NKAIN1: variants seen among roughly 807,000 people sequenced by gnomAD.
The protein encoded by NKAIN1 is sodium/potassium-transporting ATPase subunit beta-1-interacting protein 1.
NKAIN1 carries 13 observed loss-of-function variants against 31.6 expected under a neutral mutation model. The observed-to-expected ratio is 0.41, with a 90% CI of 0.27 to 0.65. NKAIN1 has a LOEUF of 0.65. NKAIN1 is among the 30% of genes least tolerant of loss of function. The pLI, the probability that NKAIN1 is intolerant of heterozygous loss-of-function variation, is 0.30. For synonymous variants in NKAIN1, 104 were observed against 109.0 expected (o/e 0.95, Z 0.28); for missense variants, 193 against 262.2 (o/e 0.74, Z 1.82).
At chr1:31,189,347 C>T (rs193119728) in intron 1 of NKAIN1, among the ~76,000 whole-genome samples, 3 of 152,220 alleles carry the variant, frequency 2.0e-5, no homozygotes, top group Admixed American at 6.5e-5. Flanking sequence ...AACAGAGTCC[C>T]GCTCTGTCGC....
intron 1 of NKAIN1, among the ~76,000 whole-genome samples, chr1:31,206,156 A>G (rs56217167): frequency 6.6e-6 from 1 of 150,400 alleles, no homozygotes; most frequent in Non-Finnish European, 1.5e-5. Context: ...AATCGCTTGA[A>G]CCCGGGATGA....
intron 4 of NKAIN1, among the ~76,000 whole-genome samples, chr1:31,183,468 T>TTTTTTTG (rs1645218995): frequency 7.7e-6 from 1 of 129,110 alleles, no homozygotes; most frequent in African/African-American, 2.9e-5. Context: ...TTTTTTTTTT[T>TTTTTTTG]ATGGAGTTTC....
chr1:31,189,155 G>A (rs1306343880), intron 1 of NKAIN1, among the ~76,000 whole-genome samples: 2 of 151,932 alleles, frequency 1.3e-5, no homozygotes, highest in African/African-American at 2.4e-5. Flanking sequence ...AAGGCACCCC[G>A]GCTAATAGCC....
chr1:31,181,989 G>T (rs1431000486), intron 5 of NKAIN1, 48 bp from the exon 6 acceptor site: 1 of 1,548,872 alleles, frequency 6.5e-7, no homozygotes, highest in South Asian at 1.2e-5. Context: ...CGGGGGCGAG[G>T]AGAGGGAGAC....
chr1:31,209,302 G>C (rs1570465977), intron 1 of NKAIN1, among the ~76,000 whole-genome samples: 1 of 152,148 alleles, frequency 6.6e-6, no homozygotes, highest in East Asian at 1.9e-4. Flanking sequence ...TTGAACCCGG[G>C]AGACGGAGGT....
intron 1 of NKAIN1, among the ~76,000 whole-genome samples, chr1:31,193,481 G>A (rs1645302049): frequency 6.6e-6 from 1 of 152,030 alleles, no homozygotes; most frequent in Non-Finnish European, 1.5e-5. Context: ...TGGATCACGA[G>A]GTCAGGAGTT....
Position 31,239,852 on chromosome 1 carries a change from G to C in NKAIN1, c.-305C>G, listed in dbSNP as rs969664773. Among the ~76,000 whole-genome samples, 1 of 152,008 alleles carries C rather than the reference G, an allele frequency of 6.6e-6. No individual in the cohort carries two copies. The highest frequency in any genetic ancestry group is 2.1e-4 in the South Asian group (1 of 4,830). On this transcript the variant is annotated 5_prime_UTR_variant, in exon 1 of 7. Transcript: ENST00000373736. This position sits in a 1 kb window ranked among gnomAD's most constrained non-coding sequence, Gnocchi z 4.8. The stretch of plus-strand genomic sequence containing the variant: ...TGGCGGGGAGCGCGGAGCAAGGAGA[G>C]CGAGCCCCGAGCGCGGCGCAGCGCA...
intron 1 of NKAIN1, among the ~76,000 whole-genome samples, chr1:31,217,729 G>C (rs1469807691): frequency 6.6e-6 from 1 of 152,220 alleles, no homozygotes; most frequent in Admixed American, 6.5e-5. Flanking sequence ...AACAGCACAT[G>C]AAGGGCCTCA....
chr1:31,184,719 T>TTATATCTATTTTTAGATATAAAAA (rs1645228910), intron 3 of NKAIN1, among the ~76,000 whole-genome samples: 1 of 152,180 alleles, frequency 6.6e-6, no homozygotes, highest in Admixed American at 6.6e-5. Context: ...TTTGCCTCTT[T>TTATATCTATTTTTAGATATAAAAA]TATATCTAAA....
chr1:31,223,508 G>A (rs1420194442), intron 1 of NKAIN1, among the ~76,000 whole-genome samples: 5 of 151,966 alleles, frequency 3.3e-5, no homozygotes, highest in African/African-American at 9.7e-5. Flanking sequence ...GCAGTGGCGC[G>A]ATCTCCGCTT....
intron 1 of NKAIN1, among the ~76,000 whole-genome samples, chr1:31,208,924 G>C (rs910712023): frequency 6.6e-6 from 1 of 152,118 alleles, no homozygotes; most frequent in Non-Finnish European, 1.5e-5. Context: ...TGTAAACTGG[G>C]CAATATAACT....
At chr1:31,202,045 C>T (rs1465665884) in intron 1 of NKAIN1, among the ~76,000 whole-genome samples, 1 of 152,230 alleles carries the variant, frequency 6.6e-6, no homozygotes, top group Non-Finnish European at 1.5e-5. Flanking sequence ...CATCATTAGC[C>T]CTCAGAGACC....
rs1361399249 is a variant in NKAIN1, at chr1:31,233,736, T to C, written c.54+5758A>G. On this transcript the variant is annotated intron_variant, in intron 1 of 6. Coordinates refer to ENST00000373736, the MANE Select transcript of NKAIN1 (RefSeq NM_024522.3). This position sits in a 1 kb window ranked among gnomAD's most constrained non-coding sequence, Gnocchi z 4.0. ...CTTGTCCAAGTCTCAAGGCAAATCA[T>C]AGCTAGCCCTGGAGAGCACTTTCCT... is the stretch of plus-strand genomic sequence containing the variant. 1.3e-5 allele frequency among the ~76,000 whole-genome samples: 2 copies of C among 152,184 alleles called. No homozygotes were observed. Among genetic ancestry groups the C allele is most frequent in the Non-Finnish European group, 2.9e-5 (2 of 68,024 alleles).
chr1:31,186,608 G>A (rs1334723329), intron 2 of NKAIN1, among the ~76,000 whole-genome samples: 2 of 151,956 alleles, frequency 1.3e-5, no homozygotes, highest in African/African-American at 4.8e-5. Context: ...GATGGGGCCT[G>A]GAGAAAGGCT....
chr1:31,181,833 C>T, intron 6 of NKAIN1, 27 bp downstream of exon 6: 2 of 1,593,000 alleles, frequency 1.3e-6, no homozygotes, highest in Non-Finnish European at 1.7e-6. Flanking sequence ...CCAGGCCTCC[C>T]CAAGCCAGCA....
At chr1:31,209,394 C>CA (rs986737983) in intron 1 of NKAIN1, among the ~76,000 whole-genome samples, 4 of 151,768 alleles carry the variant, frequency 2.6e-5, no homozygotes, top group Non-Finnish European at 5.9e-5. Context: ...CAAAACAAAA[C>CA]AAAAAAACAA....
At position 31,188,065 on chromosome 1, in the gene NKAIN1, G is replaced by C. The variant is rs1351644352; in HGVS notation, c.177C>G (p.Ser59=). 3 of 1,553,644 alleles carry C rather than the reference G, an allele frequency of 1.9e-6. No homozygotes were observed. In the African/African-American group the frequency reaches 4.1e-5, roughly 21 times the overall value. Residue 59 remains serine (S), a synonymous_variant, in exon 2 of 7, where the codon TCC becomes TCG. Coordinates refer to ENST00000373736, the MANE Select transcript of NKAIN1 (RefSeq NM_024522.3). ...LGIFGTVQYR[S]RYLILYAAWL... is the part of the protein sequence containing the mutation. ...TGAGCCGTACCAGGATGAGGTACCG[G>C]GAGCGGTACTGCACGGTGCCAAAGA... is the stretch of plus-strand genomic sequence containing the variant.
At chr1:31,223,283 G>A (rs1324232880) in intron 1 of NKAIN1, among the ~76,000 whole-genome samples, 1 of 150,978 alleles carries the variant, frequency 6.6e-6, no homozygotes, top group Non-Finnish European at 1.5e-5. Context: ...GGCTGAGGCA[G>A]GAGAATTGCT....
chr1:31,238,688 C>G (rs969954287), intron 1 of NKAIN1, among the ~76,000 whole-genome samples: 2 of 152,194 alleles, frequency 1.3e-5, no homozygotes, highest in African/African-American at 4.8e-5. Flanking sequence ...TGTCCCCATC[C>G]CCACTGTTGC....
Sources: allele counts gnomAD v4.1 joint callset (sites outside exome capture counted in the v4.1 genomes callset), GRCh38; gene constraint gnomAD v4.1.1; non-coding constraint Gnocchi (gnomAD v3.1); transcripts MANE v1.5; gene names NCBI Gene and HGNC (gene_info 2026-07-23, HGNC 2026-07-21).